Variants in CFAP54 observed in about 807,000 individuals in gnomAD.
The protein encoded by CFAP54 is cilia and flagella associated protein 54.
A neutral mutation model predicts 370.4 loss-of-function variants in CFAP54; 290 were observed. The observed-to-expected ratio is 0.78, with a 90% CI of 0.71 to 0.86. CFAP54 has a LOEUF of 0.86. Ranked by LOEUF, CFAP54 falls within the 40% of genes least tolerant of loss-of-function variation. The pLI, the probability that CFAP54 is intolerant of heterozygous loss-of-function variation, is 0.00. For synonymous variants in CFAP54, 1,206 were observed against 1,236.5 expected, an observed-to-expected ratio of 0.98 and a Z score of 0.52; for missense variants, 3,399 against 3,528.7, an observed-to-expected ratio of 0.96 and a Z score of 0.93.
rs1956496257 is a variant in CFAP54 at position 96,621,875 on chromosome 12, G to GTTTGTTTTTTTT, written c.3771+157_3771+158insGTTTTTTTTTTT. 3.5e-3 allele frequency among the ~76,000 whole-genome samples: 173 copies of GTTTGTTTTTTTT among 50,052 alleles called. 13 individuals carry two copies. Among genetic ancestry groups the GTTTGTTTTTTTT allele is most frequent in the Non-Finnish European group, 4.5e-3 (136 of 30,248 alleles). 32.8% of individuals were successfully genotyped at this position (50,052 alleles called of 152,430 possible). ...ATTATAGTAAAGAGCTTTTGGGTTT[G>GTTTGTTTTTTTT]TTTTTTTTTTTTTTTTTTTTTTTTT... is the stretch of plus-strand genomic sequence containing the variant. On this transcript the variant is annotated intron_variant, in intron 27 of 67. Coordinates refer to ENST00000524981, the MANE Select transcript of CFAP54 (RefSeq NM_001306084.2).
intron 44 of CFAP54, 31 bp downstream of exon 44, chr12:96,691,341 TCACTGGGATATTTTGCTC>T (rs773738835): frequency 6.7e-7 from 1 of 1,490,668 alleles, no homozygotes; most frequent in Admixed American, 2.2e-5. Context: ...AAATTATATA[TCACTGGGATATTTTGCTC>T]CACTTACCTC....
chr12:96,739,528 C>G (rs1352686748), intron 50 of CFAP54, among the ~76,000 whole-genome samples: 2 of 152,238 alleles, frequency 1.3e-5, no homozygotes, highest in East Asian at 3.9e-4. Context: ...TCCATGACCT[C>G]AGAAAGCTGG....
At chr12:96,711,410 A>T (rs1252505554) in intron 48 of CFAP54, among the ~76,000 whole-genome samples, 1 of 151,450 alleles carries the variant, frequency 6.6e-6, no homozygotes, top group African/African-American at 2.4e-5. Context: ...TTCTTTGTTC[A>T]CTACACTTAT....
chr12:96,665,856 A>C (rs953588106), intron 39 of CFAP54, among the ~76,000 whole-genome samples: 1 of 152,182 alleles, frequency 6.6e-6, no homozygotes, highest in Non-Finnish European at 1.5e-5. Context: ...TTCTGTGAAG[A>C]ATCTCAATGG....
At chr12:96,755,666 C>CTTTTTTTTTTTTT (rs71758359) in intron 56 of CFAP54, among the ~76,000 whole-genome samples, 2 of 88,026 alleles carry the variant, frequency 2.3e-5, no homozygotes, top group Non-Finnish European at 4.5e-5. Flanking sequence ...TTCTTTTTTC[C>CTTTTTTTTTTTTT]TTTTTTTTTT....
chr12:96,559,551 C>T (rs1415228422), intron 17 of CFAP54, among the ~76,000 whole-genome samples: 2 of 152,018 alleles, frequency 1.3e-5, no homozygotes, highest in East Asian at 1.9e-4. Context: ...CATTTTGCCA[C>T]GTTTACTGTC....
intron 8 of CFAP54, among the ~76,000 whole-genome samples, chr12:96,524,944 C>T (rs763170806): frequency 6.6e-6 from 1 of 152,222 alleles, no homozygotes; most frequent in Admixed American, 6.5e-5. Flanking sequence ...ACATCATCCA[C>T]ATCTTCAGAC....
rs201541354 is a variant in CFAP54, at chr12:96,777,143, GA to G, written c.8282-7565del. Reference sequence around the variant, plus strand: ...TCTTTCAGTAAAAATGGCAGTCCATGAAAAAAAAAGTAAAAGTGCTCATTCA... The same window carrying G: ...TCTTTCAGTAAAAATGGCAGTCCATGAAAAAAAAGTAAAAGTGCTCATTCA... On this transcript the variant is annotated intron_variant, in intron 60 of 67. Coordinates refer to ENST00000524981, the MANE Select transcript of CFAP54 (RefSeq NM_001306084.2). 4.0e-5 allele frequency among the ~76,000 whole-genome samples: 6 copies of G among 150,846 alleles called. No homozygotes were observed. The South Asian group carries it at 8.4e-4, about 21-fold the overall frequency.
chr12:96,674,714 T>C (rs1183267481), intron 39 of CFAP54, among the ~76,000 whole-genome samples: 1 of 152,240 alleles, frequency 6.6e-6, no homozygotes, highest in Non-Finnish European at 1.5e-5. Context: ...CTGTTCTTGT[T>C]ATAAATAAAA....
intron 60 of CFAP54, among the ~76,000 whole-genome samples, chr12:96,768,365 A>G (rs1012122895): frequency 1.3e-5 from 2 of 152,100 alleles, no homozygotes; most frequent in Non-Finnish European, 2.9e-5. Flanking sequence ...TAAGAAGAGC[A>G]TAATAGGCTG....
intron 66 of CFAP54, among the ~76,000 whole-genome samples, chr12:96,853,304 G>A (rs1959603435): frequency 6.6e-6 from 1 of 151,956 alleles, no homozygotes; most frequent in Non-Finnish European, 1.5e-5. Flanking sequence ...AAGCCAGACA[G>A]GAAAGATTAC....
At position 96,792,437 on chromosome 12, in the gene CFAP54, G is replaced by C. The variant is rs1382920554; in HGVS notation, c.8788G>C (p.Glu2930Gln). ...IEMVTQASNK[E>Q]LCFQWYIPPL... ...AATGGTAACGCAAGCTTCAAACAAAGAACTTTGCTTTCAATGGTACATTCC... is the reference window on the plus strand; with the variant it reads ...AATGGTAACGCAAGCTTCAAACAAACAACTTTGCTTTCAATGGTACATTCC... Residue 2930 changes from glutamate to glutamine, a missense_variant, in exon 63 of 68, where the codon GAA (glutamate) becomes CAA (glutamine). Physicochemically the swap from Glu to Gln is conservative, Grantham distance 29. Coordinates refer to ENST00000524981, the MANE Select transcript of CFAP54 (RefSeq NM_001306084.2). 6.5e-7 allele frequency: 1 copy of C among 1,535,794 alleles called. No homozygotes were observed. The highest frequency in any genetic ancestry group is 8.7e-7 in the Non-Finnish European group (1 of 1,146,796).
intron 9 of CFAP54, among the ~76,000 whole-genome samples, 153 bp downstream of exon 9, chr12:96,527,597 CTCTT>C (rs1955397896): frequency 1.3e-5 from 2 of 148,776 alleles, no homozygotes; most frequent in Non-Finnish European, 3.0e-5. Context: ...GATAAGGTCT[CTCTT>C]TGTCACCCAG....
intron 26 of CFAP54, among the ~76,000 whole-genome samples, chr12:96,608,238 C>T (rs1253389009): frequency 6.6e-6 from 1 of 151,390 alleles, no homozygotes; most frequent in Non-Finnish European, 1.5e-5. Flanking sequence ...TTGTGTTTGG[C>T]GTAAGGAGAG....
intron 39 of CFAP54, among the ~76,000 whole-genome samples, chr12:96,671,459 G>T (rs541116530): frequency 2.0e-5 from 3 of 152,164 alleles, no homozygotes; most frequent in African/African-American, 7.2e-5. Flanking sequence ...TGAGGGCAGG[G>T]ATTATTGTTT....
chr12:96,549,237 A>G (rs1478513942), intron 15 of CFAP54, among the ~76,000 whole-genome samples: 2 of 152,194 alleles, frequency 1.3e-5, no homozygotes, highest in African/African-American at 4.8e-5. Context: ...AGAGTAGGGC[A>G]GACATAGAAA....
intron 40 of CFAP54, among the ~76,000 whole-genome samples, chr12:96,684,082 T>G (rs1957299451): frequency 6.6e-6 from 1 of 152,164 alleles, no homozygotes; most frequent in Non-Finnish European, 1.5e-5. Flanking sequence ...ATGAGCTACC[T>G]TGCCTGTCCA....
chr12:96,601,683 G>A (rs932743758), intron 26 of CFAP54, among the ~76,000 whole-genome samples: 6 of 152,172 alleles, frequency 3.9e-5, no homozygotes, highest in African/African-American at 1.4e-4. Context: ...GTTTAGTCCT[G>A]AGAGGGTGTA....
Position 96,801,580 on chromosome 12 carries a change from A to G in CFAP54, c.8850+9081A>G, listed in dbSNP as rs115274625. Among the ~76,000 whole-genome samples the G allele has an allele frequency of 5.5e-3, 839 of 152,282 alleles. 10 individuals carry two copies. The highest frequency in any genetic ancestry group is 0.019 in the African/African-American group (771 of 41,554). On this transcript the variant is annotated intron_variant, in intron 63 of 67. Transcript: ENST00000524981. ...ACCACGGCTAAAGGTTTGATTGACC[A>G]AATTTGTCTCCAGATCGTACCTTAG...
Sources: allele counts gnomAD v4.1 joint callset (sites outside exome capture counted in the v4.1 genomes callset), GRCh38; gene constraint gnomAD v4.1.1; transcripts MANE v1.5; gene names NCBI Gene and HGNC (gene_info 2026-07-23, HGNC 2026-07-21).